Variants in AK8 observed in about 807,000 individuals in gnomAD.
AK8 encodes ATP-AMP transphosphorylase 8.
A neutral mutation model predicts 54.6 loss-of-function variants in AK8; 44 were observed. The observed-to-expected ratio is 0.81, with a 90% CI of 0.63 to 1.04. The LOEUF (loss-of-function observed/expected upper bound fraction) is 1.04. Among genes scored for constraint, AK8 ranks in the 50% least tolerant of loss-of-function variants. The pLI, the probability that AK8 is intolerant of heterozygous loss-of-function variation, is 0.00. For missense variants in AK8, 555 were observed against 613.6 expected, an observed-to-expected ratio of 0.90 and a Z score of 1.01; for synonymous variants, 239 against 245.6, an observed-to-expected ratio of 0.97 and a Z score of 0.25.
chr9:132,814,816 G>T, intron 9 of AK8, 89 bp from the exon 10 acceptor site: 2 of 1,115,712 alleles, frequency 1.8e-6, no homozygotes, highest in Non-Finnish European at 2.5e-6. Context: ...TGCCTGCTGA[G>T]GGAAAAAAAA....
chr9:132,875,064 G>GGAGGAGGGGAAGGGAAGAC lies in AK8; in HGVS notation c.169+32_169+50dup, dbSNP rs766197769. On this transcript the variant is annotated intron_variant, in intron 2 of 12. Transcript: ENST00000298545. Reference sequence around the variant, plus strand: ...AGGAGTCAGGGAAGAAGGGGAAGGAGGAGGAGGGGAAGGGAAGACGAGGAG... The same window carrying GGAGGAGGGGAAGGGAAGAC: ...AGGAGTCAGGGAAGAAGGGGAAGGAGGAGGAGGGGAAGGGAAGACGAGGAGGGGAAGGGAAGACGAGGAG... 30 of 1,608,422 alleles carry GGAGGAGGGGAAGGGAAGAC rather than the reference G, an allele frequency of 1.9e-5. No homozygotes were observed. In the Admixed American group the frequency reaches 2.9e-4, roughly 15 times the overall value.
intron 11 of AK8, among the ~76,000 whole-genome samples, chr9:132,732,652 G>T (rs186013841): frequency 1.3e-5 from 2 of 152,264 alleles, no homozygotes; most frequent in East Asian, 3.9e-4. Flanking sequence ...GTTCCCTGGG[G>T]CCTGCACCCA....
chr9:132,841,809 T>C (rs1369869126), intron 5 of AK8, among the ~76,000 whole-genome samples: 3 of 152,198 alleles, frequency 2.0e-5, no homozygotes, highest in African/African-American at 7.2e-5. Context: ...TATTTAATGC[T>C]TTAAAATCAA....
At chr9:132,767,635 A>G (rs1378767951) in intron 11 of AK8, among the ~76,000 whole-genome samples, 1 of 152,258 alleles carries the variant, frequency 6.6e-6, no homozygotes, top group East Asian at 1.9e-4. Context: ...AACTTAGTAT[A>G]TCTAAGAGAT....
At chr9:132,850,961 C>T (rs530108132) in intron 5 of AK8, among the ~76,000 whole-genome samples, 1 of 151,890 alleles carries the variant, frequency 6.6e-6, no homozygotes, top group African/African-American at 2.4e-5. Context: ...CGCCACCCGC[C>T]TTGTCAACCC....
chr9:132,757,443 G>A (rs1023333335), intron 11 of AK8, among the ~76,000 whole-genome samples: 15 of 152,204 alleles, frequency 9.9e-5, no homozygotes, highest in Admixed American at 4.6e-4. Flanking sequence ...AGAACAATCC[G>A]GGCTATGCCT....
intron 3 of AK8, among the ~76,000 whole-genome samples, chr9:132,865,371 C>A (rs531978767): frequency 6.6e-6 from 1 of 152,140 alleles, no homozygotes; most frequent in Non-Finnish European, 1.5e-5. Flanking sequence ...CCAGTTAAAC[C>A]GGGGAACAGC....
chr9:132,825,523 G>A (rs994232450), intron 8 of AK8, among the ~76,000 whole-genome samples: 2 of 152,200 alleles, frequency 1.3e-5, no homozygotes, highest in African/African-American at 2.4e-5. Context: ...CTTCCGAGAT[G>A]CAAAATCACT....
At chr9:132,824,035 G>A (rs1304055244) in intron 8 of AK8, among the ~76,000 whole-genome samples, 2 of 152,234 alleles carry the variant, frequency 1.3e-5, no homozygotes, top group African/African-American at 2.4e-5. Flanking sequence ...AAGAAGTGAG[G>A]AGATGGGGTG....
intron 9 of AK8, among the ~76,000 whole-genome samples, chr9:132,821,790 AAT>A (rs1231731033): frequency 2.2e-5 from 3 of 134,460 alleles, no homozygotes; most frequent in Admixed American, 7.8e-5. Flanking sequence ...TGTATATACA[AAT>A]ATATACATAT....
Position 132,735,501 on chromosome 9 carries a change from C to T in AK8, c.1122-7967G>A, listed in dbSNP as rs764985832. The stretch of plus-strand genomic sequence containing the variant: ...CAAAACCCTACACAAAGCAATATGA[C>T]ATAACCACAGGGAGATACTACTTCA... On this transcript the variant is annotated intron_variant, in intron 11 of 12. Transcript: ENST00000298545. 4.6e-5 allele frequency among the ~76,000 whole-genome samples: 7 copies of T among 152,174 alleles called. No homozygotes were observed. The South Asian group carries it at 6.2e-4, about 14-fold the overall frequency.
At chr9:132,822,734 G>A (rs1039561856) in intron 9 of AK8, among the ~76,000 whole-genome samples, 3 of 152,168 alleles carry the variant, frequency 2.0e-5, no homozygotes, top group African/African-American at 7.2e-5. Flanking sequence ...ACTGTGCGGA[G>A]TGAGAAGTCT....
chr9:132,817,697 C>T (rs415561), intron 9 of AK8, among the ~76,000 whole-genome samples: 31,013 of 151,904 alleles, frequency 0.2, 3,458 homozygotes, highest in East Asian at 0.44. Flanking sequence ...GGGAAAGGAC[C>T]GGAAGAAAAG....
intron 10 of AK8, among the ~76,000 whole-genome samples, chr9:132,804,627 C>CCT (rs1840631799): frequency 6.6e-6 from 1 of 152,178 alleles, no homozygotes; most frequent in African/African-American, 2.4e-5. Flanking sequence ...GCCTCTCCCC[C>CCT]TCCCGTGTCC....
At chr9:132,742,152 G>A (rs886449297) in intron 11 of AK8, among the ~76,000 whole-genome samples, 2 of 150,964 alleles carry the variant, frequency 1.3e-5, no homozygotes, top group Non-Finnish European at 2.9e-5. Flanking sequence ...ATGCATCCAC[G>A]AGTTGATGGA....
rs1590172678 is a variant in AK8, at chr9:132,737,335, T to G, written c.1122-9801A>C. Among the ~76,000 whole-genome samples the G allele has an allele frequency of 4.6e-5, 7 of 152,276 alleles. No individual in the cohort carries two copies. The South Asian group carries it at 1.5e-3, about 32-fold the overall frequency. ...AGTATTAATTCTACACAAACTATAA[T>G]GCAAATACTACATAAACTCTTTCAG... On this transcript the variant is annotated intron_variant, in intron 11 of 12. Coordinates refer to ENST00000298545, the MANE Select transcript of AK8 (RefSeq NM_152572.3).
At chr9:132,819,340 T>C (rs1301725586) in intron 9 of AK8, among the ~76,000 whole-genome samples, 1 of 152,206 alleles carries the variant, frequency 6.6e-6, no homozygotes, top group South Asian at 2.1e-4. Flanking sequence ...TATATGCAAA[T>C]ACTACGCCAT....
At chr9:132,728,194 C>T (rs769783874) in intron 11 of AK8, among the ~76,000 whole-genome samples, 2 of 152,238 alleles carry the variant, frequency 1.3e-5, no homozygotes, top group Admixed American at 1.3e-4. Context: ...CTGCTCAGGG[C>T]TCTGGGATAC....
chr9:132,750,663 G>A lies in AK8; in HGVS notation c.1122-23129C>T, dbSNP rs376959984. ...GGGTTCAGATTCTAGCGCTTCAAAG[G>A]ACTCCATCCGGTGAATCCCACCAGG... On this transcript the variant is annotated intron_variant, in intron 11 of 12. Coordinates refer to ENST00000298545, the MANE Select transcript of AK8 (RefSeq NM_152572.3). Among the ~76,000 whole-genome samples the A allele has an allele frequency of 3.3e-5, 5 of 152,026 alleles. No individual in the cohort carries two copies. The South Asian group carries it at 6.2e-4, about 19-fold the overall frequency.
Sources: allele counts gnomAD v4.1 joint callset (sites outside exome capture counted in the v4.1 genomes callset), GRCh38; gene constraint gnomAD v4.1.1; transcripts MANE v1.5; gene names NCBI Gene and HGNC (gene_info 2026-07-23, HGNC 2026-07-21).